Variants in PCM1 observed in about 807,000 individuals in gnomAD.
The protein encoded by PCM1 is pericentriolar material 1.
PCM1 carries 157 observed loss-of-function variants against 241.9 expected under a neutral mutation model. The ratio of observed to expected loss-of-function variants is 0.65; its 90% CI spans 0.57 to 0.74. The LOEUF (loss-of-function observed/expected upper bound fraction) is 0.74. Among genes scored for constraint, PCM1 ranks in the 30% least tolerant of loss-of-function variants. PCM1 has a pLI of 0.00. For missense variants in PCM1, 3,478 were observed against 2,360.1 expected (o/e 1.47, Z -9.81); for synonymous variants, 1,085 against 784.9 (o/e 1.38, Z -6.39).
intron 30 of PCM1, 74 bp downstream of exon 30, chr8:18,006,471 C>A: frequency 1.1e-6 from 1 of 873,880 alleles, no homozygotes; most frequent in South Asian, 1.7e-5. Flanking sequence ...GTGGGTGAGG[C>A]ATTTTCTTGC....
rs750981945 is a variant in PCM1, at chr8:17,963,136, G to A, written c.2499G>A (p.Arg833=). The stretch of plus-strand genomic sequence containing the variant: ...AAATGAGAAGACATGAAATGTTGAG[G>A]GAGGAGCTGCGACAGAGAAGAAAGC... ...WSEMRRHEML[R]EELRQRRKQL... The change falls in exon 17 of 39, where the codon AGG becomes AGA. Residue 833 remains arginine, a synonymous_variant. Coordinates refer to ENST00000325083, the MANE Select transcript of PCM1 (RefSeq NM_006197.4). The A allele has an allele frequency of 4.3e-6, 7 of 1,612,706 alleles. No homozygotes were observed. The Admixed American group carries it at 1.0e-4, about 23-fold the overall frequency.
chr8:18,025,775 T>C, intron 38 of PCM1, 117 bp downstream of exon 38: 2 of 618,500 alleles, frequency 3.2e-6, no homozygotes, highest in Middle Eastern at 4.3e-4. Context: ...AGCCAAATAC[T>C]AGAAAGAAAG....
intron 23 of PCM1, among the ~76,000 whole-genome samples, chr8:17,977,164 T>G (rs2079056108): frequency 6.6e-6 from 1 of 152,220 alleles, no homozygotes; most frequent in Non-Finnish European, 1.5e-5. Context: ...TGTTATTAAA[T>G]GAGCAATAGT....
chr8:17,939,129 C>T, intron 5 of PCM1, 120 bp downstream of exon 5: 1 of 848,002 alleles, frequency 1.2e-6, no homozygotes. Flanking sequence ...AAGTGCTTCA[C>T]TGACCTCCTT....
chr8:17,937,490 A>G, intron 4 of PCM1, 111 bp downstream of exon 4: 1 of 995,696 alleles, frequency 1.0e-6, no homozygotes, highest in Non-Finnish European at 1.4e-6. Flanking sequence ...ATTTTTAAAA[A>G]AAGTTTCTGT....
At chr8:17,975,824 C>T (rs1043516274) in intron 23 of PCM1, among the ~76,000 whole-genome samples, 1 of 152,150 alleles carries the variant, frequency 6.6e-6, no homozygotes, top group Admixed American at 6.5e-5. Flanking sequence ...ATAGATATTG[C>T]ATATGAGGTA....
chr8:17,969,797 T>C (rs2076237736), intron 22 of PCM1, 49 bp downstream of exon 22: 7 of 1,329,544 alleles, frequency 5.3e-6, no homozygotes, highest in African/African-American at 1.5e-5. Flanking sequence ...ACTTTTGTGA[T>C]TACATCTAAT....
chr8:18,014,620 T>G lies in PCM1; in HGVS notation c.5621T>G (p.Leu1874Arg), dbSNP rs2092945458. ...AACTGTCCTGTGAAACCCTGTTACC[T>G]CAATATCTTGGAAGATGAGCAACCT... ...QNNCPVKPCY[L>R]NILEDEQPLN... Residue 1874 changes from leucine (L) to arginine (R), a missense_variant, in exon 36 of 39, where the codon CTC (leucine) becomes CGC (arginine). Transcript: ENST00000325083. 2 of 1,612,750 alleles carry G rather than the reference T, an allele frequency of 1.2e-6. No homozygotes were observed. Among genetic ancestry groups the G allele is most frequent in the African/African-American group, 1.3e-5 (1 of 74,910 alleles).
rs778349902 is a variant in PCM1, at chr8:17,993,441, A to ATATACATATATTATAT, written c.4691-40_4691-39insTACATATATTATATTA. On this transcript the variant is annotated intron_variant, in intron 28 of 38. Coordinates refer to ENST00000325083, the MANE Select transcript of PCM1 (RefSeq NM_006197.4). ...ACATAAAGGCATATATGTATATATA[A>ATATACATATATTATAT]TAGGCTTTGTTAGGCTAATGTATTT... 252 of 1,422,898 alleles carry ATATACATATATTATAT rather than the reference A, an allele frequency of 1.8e-4. 1 individual carries two copies. The Middle Eastern group carries it at 2.3e-3, about 13-fold the overall frequency. 88.1% of individuals were successfully genotyped at this position (1,422,898 alleles called of 1,614,324 possible).
chr8:17,930,082 T>A (rs1380484656), intron 2 of PCM1, among the ~76,000 whole-genome samples: 1 of 151,506 alleles, frequency 6.6e-6, no homozygotes, highest in Non-Finnish European at 1.5e-5. Context: ...CCTTAGTCTT[T>A]TCGTTATTGG....
chr8:17,976,156 T>G (rs1476511728), intron 23 of PCM1, among the ~76,000 whole-genome samples: 1 of 152,236 alleles, frequency 6.6e-6, no homozygotes, highest in African/African-American at 2.4e-5. Context: ...AGGCAAGGCC[T>G]GACAGATTTG....
chr8:18,011,676 A>C lies in PCM1; in HGVS notation c.5360A>C (p.Lys1787Thr), dbSNP rs2092539725. 10 of 1,607,496 alleles carry C rather than the reference A, an allele frequency of 6.2e-6. No individual in the cohort carries two copies. Among genetic ancestry groups the C allele is most frequent in the African/African-American group, 1.3e-5 (1 of 74,732 alleles). ...EGCPVSINLS[K>T]AETQALTNYG... ...GTATTAATCAACTTAGATTTGTCTA[A>C]AGCTGAAACTCAGGCTTTAACTAAT... The change falls in exon 34 of 39, where the codon AAA (lysine) becomes ACA (threonine). Residue 1787 changes from lysine to threonine, a missense_variant. Lys to Thr is a moderately conservative substitution (Grantham distance 78). Transcript: ENST00000325083.
Position 17,995,753 on chromosome 8 carries a change from T to C in PCM1, c.4827+2134T>C, listed in dbSNP as rs550617256. Among the ~76,000 whole-genome samples, 19 of 152,270 alleles carry C rather than the reference T, an allele frequency of 1.2e-4. 1 individual carries two copies. Among genetic ancestry groups the C allele is most frequent in the South Asian group, 8.3e-4 (4 of 4,824 alleles). On this transcript the variant is annotated intron_variant, in intron 29 of 38. Coordinates refer to ENST00000325083, the MANE Select transcript of PCM1 (RefSeq NM_006197.4). ...TTAAATTTCTTTCATCAGTGTTTTA[T>C]AGTTTTCATTGTAGAGATCTTTCAC...
intron 3 of PCM1, among the ~76,000 whole-genome samples, chr8:17,936,903 A>G (rs552968291): frequency 6.6e-6 from 1 of 152,314 alleles, no homozygotes; most frequent in East Asian, 1.9e-4. Context: ...TTTGTTAGTG[A>G]TCTTGATAAG....
intron 29 of PCM1, 185 bp from the exon 30 acceptor site, chr8:18,006,078 A>G (rs1460141693): frequency 1.9e-6 from 1 of 518,080 alleles, no homozygotes; most frequent in Non-Finnish European, 3.3e-6. Flanking sequence ...CAAACCTCTC[A>G]ATACGTATGA....
intron 29 of PCM1, among the ~76,000 whole-genome samples, chr8:18,000,626 G>C (rs2088995407): frequency 6.6e-6 from 1 of 151,456 alleles, no homozygotes; most frequent in Non-Finnish European, 1.5e-5. Context: ...TTTTTTTGAG[G>C]GGGGTGGGGT....
At chr8:17,963,368 T>A in intron 17 of PCM1, 77 bp downstream of exon 17, 2 of 1,015,618 alleles carry the variant, frequency 2.0e-6, no homozygotes, top group Non-Finnish European at 2.9e-6. Context: ...CAGCCACATT[T>A]CTCCTCTACA....
chr8:17,977,729 G>C (rs1216993641), intron 23 of PCM1, among the ~76,000 whole-genome samples: 1 of 152,164 alleles, frequency 6.6e-6, no homozygotes, highest in Non-Finnish European at 1.5e-5. Context: ...GAGAGCATTA[G>C]TCTTTGCAGC....
At chr8:17,961,896 A>T in intron 15 of PCM1, 138 bp from the exon 16 acceptor site, 1 of 607,640 alleles carries the variant, frequency 1.6e-6, no homozygotes, top group Non-Finnish European at 2.7e-6. Context: ...TTATCTTCGG[A>T]TGATGATGGA....
Sources: allele counts gnomAD v4.1 joint callset (sites outside exome capture counted in the v4.1 genomes callset), GRCh38; gene constraint gnomAD v4.1.1; transcripts MANE v1.5; gene names NCBI Gene and HGNC (gene_info 2026-07-23, HGNC 2026-07-21).